Variants in POC1B observed in about 807,000 individuals in gnomAD.
POC1B encodes the protein POC1 centriolar protein homolog B.
A neutral mutation model predicts 60.6 loss-of-function variants in POC1B; 44 were observed. The observed-to-expected ratio is 0.73, with a 90% confidence interval of 0.57 to 0.93. The LOEUF (loss-of-function observed/expected upper bound fraction) is 0.93. Ranked by LOEUF, POC1B falls within the 40% of genes least tolerant of loss-of-function variation. The pLI, the probability that POC1B is intolerant of heterozygous loss-of-function variation, is 0.00. For missense variants in POC1B, 555 were observed against 572.3 expected, an observed-to-expected ratio of 0.97 and a Z score of 0.31; for synonymous variants, 180 against 198.9, an observed-to-expected ratio of 0.90 and a Z score of 0.80.
intron 11 of POC1B, 58 bp from the exon 12 acceptor site, chr12:89,421,315 T>A: frequency 7.3e-7 from 1 of 1,366,212 alleles, no homozygotes; most frequent in South Asian, 1.3e-5. Flanking sequence ...AGGATGACAA[T>A]GACAATCTCT....
chr12:89,463,367 C>A (rs1478024776), intron 9 of POC1B, among the ~76,000 whole-genome samples: 1 of 152,124 alleles, frequency 6.6e-6, no homozygotes, highest in Non-Finnish European at 1.5e-5. Context: ...TAGAGTGGCT[C>A]TACTGTCTTC....
rs147792906 is a variant in POC1B at position 89,430,317 on chromosome 12, A to G, written c.1114-4938T>C. Among the ~76,000 whole-genome samples the G allele has an allele frequency of 8.8e-4, 134 of 152,338 alleles. 1 individual carries two copies. Among genetic ancestry groups the G allele is most frequent in the African/African-American group, 3.2e-3 (131 of 41,586 alleles). ...ACTCTTAAAAGGTTCTTTAAATACC[A>G]TGGTTAATTCTAATGCATACATCTT... On this transcript the variant is annotated intron_variant, in intron 10 of 11. Coordinates refer to ENST00000313546, the MANE Select transcript of POC1B (RefSeq NM_172240.3).
At chr12:89,470,017 A>G (rs1375751845) in intron 7 of POC1B, among the ~76,000 whole-genome samples, 5 of 151,908 alleles carry the variant, frequency 3.3e-5, no homozygotes, top group African/African-American at 7.3e-5. Context: ...GATTACAGGC[A>G]TGTGCCACCA....
chr12:89,481,072 C>T (rs1164776215), intron 4 of POC1B, among the ~76,000 whole-genome samples: 2 of 151,536 alleles, frequency 1.3e-5, no homozygotes, highest in Admixed American at 6.6e-5. Flanking sequence ...ATTGTTAGGG[C>T]CATGTTGGCC....
intron 4 of POC1B, chr12:89,472,480 A>T (rs1882938111): frequency 2.3e-6 from 1 of 436,204 alleles, no homozygotes; most frequent in Admixed American, 4.6e-5. Flanking sequence ...AAAATATGCT[A>T]TGTAGACTAA....
chr12:89,515,382 GCCTCAGCC>G (rs1159722015), intron 2 of POC1B, among the ~76,000 whole-genome samples: 2 of 152,054 alleles, frequency 1.3e-5, no homozygotes, highest in African/African-American at 4.8e-5. Flanking sequence ...TATCCCTCCT[GCCTCAGCC>G]CCTTGAGTAG....
intron 3 of POC1B, 163 bp downstream of exon 3, chr12:89,497,007 GA>G (rs34013079): frequency 7.2e-6 from 5 of 692,460 alleles, no homozygotes; most frequent in Non-Finnish European, 1.2e-5. Context: ...TAATTTTGAG[GA>G]AAAAAATTGT....
At chr12:89,521,942 C>A in intron 2 of POC1B, 2 of 398,762 alleles carry the variant, frequency 5.0e-6, no homozygotes, top group South Asian at 2.6e-4. Flanking sequence ...AGAGAGGCTT[C>A]AATTGTGTTT....
At chr12:89,409,147 T>G in the POC1B span, among the ~76,000 whole-genome samples, 2 of 152,220 alleles carry the variant, frequency 1.3e-5, no homozygotes, top group Non-Finnish European at 2.9e-5. Flanking sequence ...TGTCACATTT[T>G]GACTTTTGTT....
chr12:89,522,935 T>C (rs1406997042), intron 2 of POC1B: 2 of 1,613,950 alleles, frequency 1.2e-6, no homozygotes, highest in East Asian at 2.2e-5. Flanking sequence ...GGGTGAAAAA[T>C]AGTTCCATCT....
chr12:89,489,766 T>C (rs1322521371), intron 4 of POC1B, among the ~76,000 whole-genome samples: 1 of 152,208 alleles, frequency 6.6e-6, no homozygotes, highest in Non-Finnish European at 1.5e-5. Flanking sequence ...CTCTGTGCCA[T>C]ACCCCATACC....
chr12:89,459,381 G>A (rs1882384480), intron 10 of POC1B, among the ~76,000 whole-genome samples: 1 of 141,120 alleles, frequency 7.1e-6, no homozygotes. Flanking sequence ...TGCACGTTGT[G>A]CACATGTACC....
intron 4 of POC1B, among the ~76,000 whole-genome samples, chr12:89,488,141 A>G (rs137895080): frequency 2.1e-4 from 29 of 138,426 alleles, no homozygotes; most frequent in African/African-American, 7.3e-4. Context: ...TAAAAGACTT[A>G]TATATAGATG....
At chr12:89,483,263 C>T (rs940175563) in intron 4 of POC1B, among the ~76,000 whole-genome samples, 1 of 152,100 alleles carries the variant, frequency 6.6e-6, no homozygotes, top group Non-Finnish European at 1.5e-5. Context: ...AGGGGCTTTT[C>T]CCCCTTTTGC....
chr12:89,418,987 T>G (rs892114557), downstream of POC1B, among the ~76,000 whole-genome samples: 1 of 152,102 alleles, frequency 6.6e-6, no homozygotes, highest in Non-Finnish European at 1.5e-5. Flanking sequence ...TGGTAAGAAG[T>G]GGTCAGGTGT....
chr12:89,494,120 A>C lies in POC1B; in HGVS notation c.273-2005T>G, dbSNP rs578137941. On this transcript the variant is annotated intron_variant, in intron 3 of 11. Coordinates refer to ENST00000313546, the MANE Select transcript of POC1B (RefSeq NM_172240.3). ...CAGTGGTGCAATCGCTACTCACTGC[A>C]GCTCAAACTCCTGCGCTCAAGAGCT... Among the ~76,000 whole-genome samples the C allele has an allele frequency of 3.1e-3, 479 of 152,274 alleles. 2 individuals carry two copies. The highest frequency in any genetic ancestry group is 5.8e-3 in the Non-Finnish European group (395 of 68,016).
chr12:89,462,051 TAG>T (rs1882503942), intron 9 of POC1B, among the ~76,000 whole-genome samples: 1 of 152,122 alleles, frequency 6.6e-6, no homozygotes. Context: ...CTAAATCACG[TAG>T]AGTCAGCACC....
At chr12:89,475,285 A>G (rs1883058184) in intron 4 of POC1B, among the ~76,000 whole-genome samples, 1 of 152,152 alleles carries the variant, frequency 6.6e-6, no homozygotes, top group Non-Finnish European at 1.5e-5. Context: ...CCAGAGCAAA[A>G]TAAATGAAGG....
At chr12:89,452,808 G>A (rs967670646) in intron 10 of POC1B, among the ~76,000 whole-genome samples, 10 of 151,394 alleles carry the variant, frequency 6.6e-5, no homozygotes, top group African/African-American at 2.2e-4. Context: ...AATAAACCAC[G>A]TTCCTTTAAC....
Sources: gnomAD v4.1 joint callset for allele counts (sites outside exome capture counted in the v4.1 genomes callset) on GRCh38, gnomAD v4.1.1 for gene constraint, MANE v1.5 for transcripts, NCBI Gene and HGNC (gene_info 2026-07-23, HGNC 2026-07-21) for gene names.